Variants in ANKRD11 observed in about 807,000 individuals in gnomAD.
ANKRD11 encodes the protein ankyrin repeat domain-containing protein 11.
A neutral mutation model predicts 195.7 loss-of-function variants in ANKRD11; 17 were observed. The ratio of observed to expected loss-of-function variants is 0.09; its 90% CI spans 0.06 to 0.13. The LOEUF (loss-of-function observed/expected upper bound fraction) is 0.13, where lower values mean the gene tolerates loss of function less well. ANKRD11 is among the 10% of genes least tolerant of loss of function. ANKRD11 has a pLI of 1.00. For missense variants in ANKRD11, 3,735 were observed against 3,566.1 expected (o/e 1.05, Z -1.21); for synonymous variants, 1,953 against 1,528.1 (o/e 1.28, Z -6.49).
At chr16:89,377,036 G>C (rs1044203563) in intron 2 of ANKRD11, among the ~76,000 whole-genome samples, 8 of 152,190 alleles carry the variant, frequency 5.3e-5, no homozygotes, top group African/African-American at 1.9e-4. Flanking sequence ...TTGATGCTTT[G>C]TCCGTGAAGT....
At position 89,281,127 on chromosome 16, in the gene ANKRD11, G is replaced by A. The variant is rs549029103; in HGVS notation, c.5415C>T (p.Val1805=). Residue 1805 remains valine (V), a synonymous_variant, in exon 9 of 13, where the codon GTC becomes GTT. Transcript: ENST00000301030. This position sits in a 1 kb window ranked among gnomAD's most constrained non-coding sequence, Gnocchi z 5.5. ...TCTGCTGCCTGAAGAGCTTGTCTCC[G>A]ACGCTGAATTCTTCCTCGGGGGTCC... ...IRRTPEEEFS[V]GDKLFRQQSV... is the part of the protein sequence containing the mutation. 1.1e-4 allele frequency: 173 copies of A among 1,612,906 alleles called. No homozygotes were observed. In the South Asian group the frequency reaches 1.8e-3, roughly 17 times the overall value.
At chr16:89,276,414 C>G (rs889974605) in intron 9 of ANKRD11, among the ~76,000 whole-genome samples, 1 of 152,236 alleles carries the variant, frequency 6.6e-6, no homozygotes, top group African/African-American at 2.4e-5. Flanking sequence ...ACACACACCA[C>G]AGAGGGAGAG....
intron 2 of ANKRD11, among the ~76,000 whole-genome samples, chr16:89,409,187 G>A (rs1198331078): frequency 6.6e-6 from 1 of 152,164 alleles, no homozygotes; most frequent in Non-Finnish European, 1.5e-5. Flanking sequence ...GAGGAAATGA[G>A]ATGAGCTCAC....
At chr16:89,428,216 A>T (rs1219213601) in intron 1 of ANKRD11, among the ~76,000 whole-genome samples, 1 of 150,738 alleles carries the variant, frequency 6.6e-6, no homozygotes, top group Non-Finnish European at 1.5e-5. Context: ...TCAAAAAAAT[A>T]GATTAATTAA....
rs116880818 is a variant in ANKRD11 at position 89,358,391 on chromosome 16, C to T, written c.-59-41313G>A. Among the ~76,000 whole-genome samples the T allele has an allele frequency of 1.4e-4, 22 of 152,354 alleles. No individual in the cohort carries two copies. The East Asian group carries it at 3.1e-3, about 21-fold the overall frequency. ...GCAAACATGCACAGCTTAGCGACCA[C>T]GTTTCAAAGAGCCACGTGGATAACT... is the stretch of plus-strand genomic sequence containing the variant. On this transcript the variant is annotated intron_variant, in intron 2 of 12. Coordinates refer to ENST00000301030, the MANE Select transcript of ANKRD11 (RefSeq NM_013275.6).
At chr16:89,300,546 T>C (rs1170432459) in intron 4 of ANKRD11, 3 of 274,114 alleles carry the variant, frequency 1.1e-5, no homozygotes, top group Non-Finnish European at 2.1e-5. Context: ...CCTCTTCAAC[T>C]TCACACACTT....
intron 1 of ANKRD11, among the ~76,000 whole-genome samples, chr16:89,461,053 C>A (rs1335422431): frequency 7.1e-6 from 1 of 139,968 alleles, no homozygotes; most frequent in Admixed American, 7.5e-5. Context: ...CACCCCCCCG[C>A]AGGAGACGCA....
At chr16:89,352,456 G>A (rs1236431093) in intron 2 of ANKRD11, among the ~76,000 whole-genome samples, 1 of 151,556 alleles carries the variant, frequency 6.6e-6, no homozygotes, top group Non-Finnish European at 1.5e-5. Context: ...TGCTGATGCT[G>A]GGCACAGAGG....
intron 2 of ANKRD11, among the ~76,000 whole-genome samples, chr16:89,415,836 A>C (rs1179874588): frequency 7.1e-6 from 1 of 141,098 alleles, no homozygotes; most frequent in Non-Finnish European, 1.5e-5. Flanking sequence ...TCTCAAAAAA[A>C]AAAAAAAAAA....
At position 89,279,744 on chromosome 16, in the gene ANKRD11, C is replaced by G. The variant is rs1567554826; in HGVS notation, c.6798G>C (p.Ala2266=). ...QGAEAEGPPA[A]SLCAPDGPAP... ...CGGGGCCGTCAGGGGCACAGAGGGACGCGGCGGGGGGGCCTTCAGCCTCAG... is the reference window on the plus strand; with the variant it reads ...CGGGGCCGTCAGGGGCACAGAGGGAGGCGGCGGGGGGGCCTTCAGCCTCAG... Residue 2266 remains alanine (A), a synonymous_variant, in exon 9 of 13, where the codon GCG becomes GCC. Transcript: ENST00000301030. This position sits in a 1 kb window ranked among gnomAD's most constrained non-coding sequence, Gnocchi z 5.6. 3 of 1,526,864 alleles carry G rather than the reference C, an allele frequency of 2.0e-6. No homozygotes were observed. Among genetic ancestry groups the G allele is most frequent in the Non-Finnish European group, 2.6e-6 (3 of 1,140,784 alleles). 94.6% of individuals were successfully genotyped at this position (1,526,864 alleles called of 1,614,324 possible).
chr16:89,453,976 C>T (rs1401582410), intron 1 of ANKRD11, among the ~76,000 whole-genome samples: 4 of 152,176 alleles, frequency 2.6e-5, no homozygotes, highest in African/African-American at 9.7e-5. Flanking sequence ...ACCCGCACCT[C>T]GGGAGTTCCC....
intron 1 of ANKRD11, among the ~76,000 whole-genome samples, chr16:89,486,249 A>G (rs1172748507): frequency 6.6e-6 from 1 of 152,164 alleles, no homozygotes; most frequent in African/African-American, 2.4e-5. Context: ...GCTGAGGCCT[A>G]CACAACACAG....
chr16:89,383,891 A>C (rs1272116832), intron 2 of ANKRD11, among the ~76,000 whole-genome samples: 1 of 152,198 alleles, frequency 6.6e-6, no homozygotes, highest in Non-Finnish European at 1.5e-5. Context: ...TCTGTCTCAC[A>C]AACACCCGCT....
chr16:89,324,481 T>C (rs1323416487), intron 2 of ANKRD11: 3 of 456,634 alleles, frequency 6.6e-6, no homozygotes, highest in Admixed American at 2.3e-5. Flanking sequence ...GACTAAAGGA[T>C]GTGTAACTGT....
intron 3 of ANKRD11, among the ~76,000 whole-genome samples, chr16:89,314,850 C>G (rs1037835194): frequency 2.0e-5 from 3 of 152,272 alleles, no homozygotes; most frequent in African/African-American, 4.8e-5. Context: ...CTAAAACCTG[C>G]GGGCACAGAG....
chr16:89,287,086 G>A (rs1219504626), intron 7 of ANKRD11: 1 of 1,289,838 alleles, frequency 7.8e-7, no homozygotes, highest in Non-Finnish European at 1.0e-6. Context: ...TGGCAGGGCA[G>A]GATCCTTCCT....
intron 12 of ANKRD11, among the ~76,000 whole-genome samples, chr16:89,269,516 T>TA (rs1169091962): frequency 6.6e-6 from 1 of 152,210 alleles, no homozygotes; most frequent in Admixed American, 6.5e-5. Context: ...TGGAATCATA[T>TA]AATACCCTTT....
At chr16:89,396,495 C>A (rs915895167) in intron 2 of ANKRD11, among the ~76,000 whole-genome samples, 1 of 152,146 alleles carries the variant, frequency 6.6e-6, no homozygotes, top group African/African-American at 2.4e-5. Context: ...ATAATTATAT[C>A]AAAAAGCTAT....
At chr16:89,479,545 G>T (rs1353175959) in intron 1 of ANKRD11, among the ~76,000 whole-genome samples, 2 of 152,054 alleles carry the variant, frequency 1.3e-5, no homozygotes, top group African/African-American at 4.8e-5. Context: ...TGAGGCAAGA[G>T]AATCATTTGA....
Sources: gnomAD v4.1 joint callset for allele counts (sites outside exome capture counted in the v4.1 genomes callset) on GRCh38, gnomAD v4.1.1 for gene constraint, Gnocchi (gnomAD v3.1) non-coding constraint, MANE v1.5 for transcripts, NCBI Gene and HGNC (gene_info 2026-07-23, HGNC 2026-07-21) for gene names.